The following ANAPC10 variants were observed in gnomAD, a reference collection of about 807,000 sequenced individuals.
ANAPC10 encodes the protein anaphase promoting complex subunit 10, also known as anaphase-promoting complex subunit 10.
In ANAPC10, 12 loss-of-function variants were observed where a neutral mutation model predicts 22.0. The ratio of observed to expected loss-of-function variants is 0.55; its 90% confidence interval spans 0.35 to 0.88. ANAPC10 has a LOEUF of 0.88. Among genes scored for constraint, ANAPC10 ranks in the 40% least tolerant of loss-of-function variants. The pLI is 0.01. For missense variants in ANAPC10, 188 were observed against 220.9 expected (o/e 0.85, Z 0.94); for synonymous variants, 65 against 69.5 (o/e 0.94, Z 0.32).
chr4:145,001,702 T>C (rs1410135951), intron 4 of ANAPC10, among the ~76,000 whole-genome samples: 1 of 152,166 alleles, frequency 6.6e-6, no homozygotes, highest in Non-Finnish European at 1.5e-5. Context: ...TGATATCAGC[T>C]GCTATGGTAT....
intron 3 of ANAPC10, among the ~76,000 whole-genome samples, chr4:145,070,038 C>A (rs1026305839): frequency 2.0e-5 from 3 of 151,986 alleles, no homozygotes; most frequent in African/African-American, 7.2e-5. Context: ...TCTATAATTT[C>A]TAAAATAGTA....
At chr4:145,023,843 G>A (rs887267140) in intron 4 of ANAPC10, among the ~76,000 whole-genome samples, 3 of 152,016 alleles carry the variant, frequency 2.0e-5, no homozygotes, top group African/African-American at 7.2e-5. Context: ...AACAATGATG[G>A]TTGCCACAAT....
chr4:145,081,327 T>C (rs1259004533), intron 3 of ANAPC10, among the ~76,000 whole-genome samples: 1 of 152,076 alleles, frequency 6.6e-6, no homozygotes, highest in African/African-American at 2.4e-5. Flanking sequence ...GTTTACTTAA[T>C]ATGATACATT....
At chr4:145,009,853 A>G (rs1462052937) in intron 4 of ANAPC10, among the ~76,000 whole-genome samples, 2 of 152,220 alleles carry the variant, frequency 1.3e-5, no homozygotes, top group African/African-American at 4.8e-5. Flanking sequence ...GCTTCTGCAC[A>G]GCAAAAGAAA....
In ANAPC10 at chr4:144,995,413, C is replaced by T; in HGVS notation, c.518G>A (p.Cys173Tyr). 6.2e-7 allele frequency: 1 copy of T among 1,613,324 alleles called. No homozygotes were observed. Among genetic ancestry groups the T allele is most frequent in the South Asian group, 1.1e-5 (1 of 91,040 alleles). Residue 173 changes from cysteine (C) to tyrosine (Y), a missense_variant, in exon 5 of 5, where the codon TGT (cysteine) becomes TAT (tyrosine). By Grantham distance (194) the Cys-to-Tyr change is radical. Coordinates refer to ENST00000507656, the MANE Select transcript of ANAPC10 (RefSeq NM_001256706.2). ...ATACATCATGAAATCTATAGTTGTACATCTAGGAAATTTACCAATGGAGCT... is the reference window on the plus strand; with the variant it reads ...ATACATCATGAAATCTATAGTTGTATATCTAGGAAATTTACCAATGGAGCT... ...EESSIGKFPR[C>Y]TTIDFMMYRS...
intron 4 of ANAPC10, among the ~76,000 whole-genome samples, chr4:145,006,942 A>G (rs1443669220): frequency 6.6e-6 from 1 of 152,078 alleles, no homozygotes; most frequent in Non-Finnish European, 1.5e-5. Context: ...CCCACAATAC[A>G]GGCTTTAATG....
intron 4 of ANAPC10, among the ~76,000 whole-genome samples, chr4:145,044,540 C>G (rs1740005003): frequency 6.6e-6 from 1 of 152,058 alleles, no homozygotes; most frequent in Non-Finnish European, 1.5e-5. Context: ...CATTCCAGGA[C>G]AGTTACAGGA....
At chr4:145,094,811 A>G (rs1187910969) in intron 2 of ANAPC10, among the ~76,000 whole-genome samples, 1 of 152,060 alleles carries the variant, frequency 6.6e-6, no homozygotes, top group African/African-American at 2.4e-5. Flanking sequence ...AAAAAAAAAA[A>G]GAGAGGTAGG....
intron 4 of ANAPC10, among the ~76,000 whole-genome samples, chr4:145,015,037 C>G (rs996257989): frequency 5.9e-5 from 9 of 151,964 alleles, no homozygotes; most frequent in African/African-American, 1.9e-4. Context: ...CTCCTTAACA[C>G]CCCCCAAAAA....
intron 4 of ANAPC10, among the ~76,000 whole-genome samples, chr4:145,049,901 C>T (rs754186405): frequency 4.6e-5 from 7 of 152,314 alleles, no homozygotes; most frequent in Non-Finnish European, 1.0e-4. Flanking sequence ...GCTGTTTCCA[C>T]TACATCTGCA....
At chr4:145,097,290 A>G (rs1560949380) in intron 1 of ANAPC10, 7 of 368,366 alleles carry the variant, frequency 1.9e-5, no homozygotes, top group Non-Finnish European at 1.6e-5. Flanking sequence ...TGGCTTCAAG[A>G]TTTTGAAGTG....
chr4:145,016,059 C>A (rs188493722), intron 4 of ANAPC10, among the ~76,000 whole-genome samples: 3 of 152,134 alleles, frequency 2.0e-5, no homozygotes, highest in Non-Finnish European at 4.4e-5. Flanking sequence ...AAAACTGGCA[C>A]GAGACAGGGA....
At chr4:145,074,018 T>C (rs1744850082) in intron 3 of ANAPC10, among the ~76,000 whole-genome samples, 1 of 151,926 alleles carries the variant, frequency 6.6e-6, no homozygotes, top group Non-Finnish European at 1.5e-5. Flanking sequence ...TTAAACTAAA[T>C]TACTCCCCAA....
chr4:145,086,332 T>A (rs921548682), intron 2 of ANAPC10, among the ~76,000 whole-genome samples: 2 of 152,150 alleles, frequency 1.3e-5, no homozygotes, highest in Non-Finnish European at 2.9e-5. Flanking sequence ...TTAACAGGTA[T>A]CCAGAAAATC....
intron 4 of ANAPC10, among the ~76,000 whole-genome samples, chr4:145,017,500 G>C (rs916987151): frequency 3.4e-4 from 52 of 152,278 alleles, no homozygotes; most frequent in African/African-American, 1.1e-3. Flanking sequence ...GGAGAAATAG[G>C]AACACTTTTC....
At chr4:145,031,478 G>A (rs569439085) in intron 4 of ANAPC10, among the ~76,000 whole-genome samples, 2 of 152,268 alleles carry the variant, frequency 1.3e-5, no homozygotes, top group East Asian at 1.9e-4. Flanking sequence ...AAAGAGGCAC[G>A]ACACCTAGTG....
intron 4 of ANAPC10, among the ~76,000 whole-genome samples, chr4:144,996,806 T>A (rs1315250093): frequency 1.3e-5 from 2 of 152,114 alleles, no homozygotes; most frequent in African/African-American, 4.8e-5. Flanking sequence ...AAGGAGGATA[T>A]TCGAACCCAT....
At chr4:145,088,752 G>A (rs534974029) in intron 2 of ANAPC10, among the ~76,000 whole-genome samples, 40 of 152,242 alleles carry the variant, frequency 2.6e-4, no homozygotes, top group African/African-American at 9.4e-4. Flanking sequence ...TTCTGTATCA[G>A]ATCATCTTCC....
At chr4:145,057,754 T>A (rs1742275190) in intron 4 of ANAPC10, among the ~76,000 whole-genome samples, 1 of 152,196 alleles carries the variant, frequency 6.6e-6, no homozygotes, top group Non-Finnish European at 1.5e-5. Context: ...GTTCCTTCTC[T>A]GTATGCCATT....
Sources: allele counts gnomAD v4.1 joint callset (sites outside exome capture counted in the v4.1 genomes callset), GRCh38; gene constraint gnomAD v4.1.1; transcripts MANE v1.5; gene names NCBI Gene and HGNC (gene_info 2026-07-23, HGNC 2026-07-21).